VPS13D: variants seen among roughly 807,000 people sequenced by gnomAD.
The protein encoded by VPS13D is vacuolar protein sorting 13 homolog D, also known as intermembrane lipid transfer protein VPS13D.
A neutral mutation model predicts 461.9 loss-of-function variants in VPS13D; 187 were observed. The ratio of observed to expected loss-of-function variants is 0.40; its 90% CI spans 0.36 to 0.46. VPS13D has a LOEUF of 0.46. VPS13D is among the 20% of genes least tolerant of loss of function. The probability of loss-of-function intolerance (pLI) is 0.60; values close to 1 mark genes in which losing one functional copy is unlikely to be tolerated. For missense variants in VPS13D, 4,711 were observed against 5,364.9 expected (o/e 0.88, Z 3.81); for synonymous variants, 1,951 against 1,986.3 (o/e 0.98, Z 0.47).
chr1:12,232,917 A>G (rs1033166214), intron 1 of VPS13D, among the ~76,000 whole-genome samples: 5 of 152,012 alleles, frequency 3.3e-5, no homozygotes, highest in South Asian at 4.2e-4. Flanking sequence ...AATTTGAGAC[A>G]TTTAATTTGG....
rs116549230 is a variant in VPS13D at position 12,466,475 on chromosome 1, C to T, written c.12662+6079C>T. ...CTTTCAGAGTTCCTGTTCCTTAAAA[C>T]TGTAAATGGGTTTTATATTTTATTC... is the stretch of plus-strand genomic sequence containing the variant. On this transcript the variant is annotated intron_variant, in intron 67 of 69. Coordinates refer to ENST00000620676, the MANE Select transcript of VPS13D (RefSeq NM_015378.4). 4.3e-3 allele frequency among the ~76,000 whole-genome samples: 659 copies of T among 152,290 alleles called. 1 individual carries two copies. Among genetic ancestry groups the T allele is most frequent in the African/African-American group, 0.015 (636 of 41,548 alleles).
At chr1:12,243,369 A>T (rs1640443158) in intron 3 of VPS13D, among the ~76,000 whole-genome samples, 1 of 152,078 alleles carries the variant, frequency 6.6e-6, no homozygotes, top group Admixed American at 6.5e-5. Context: ...GGCTAAAGAG[A>T]TCCTCCTGCC....
At chr1:12,310,402 G>A (rs1303947436) in intron 27 of VPS13D, among the ~76,000 whole-genome samples, 1 of 152,170 alleles carries the variant, frequency 6.6e-6, no homozygotes, top group African/African-American at 2.4e-5. Flanking sequence ...TATACTTAGA[G>A]CATAGTGTCT....
intron 20 of VPS13D, among the ~76,000 whole-genome samples, chr1:12,282,183 T>C (rs1641806497): frequency 6.6e-6 from 1 of 152,204 alleles, no homozygotes. Context: ...CCACTGTGCC[T>C]GGCTGAAAAT....
chr1:12,499,383 A>T (rs376919632), intron 68 of VPS13D: 3 of 873,770 alleles, frequency 3.4e-6, no homozygotes, highest in Non-Finnish European at 2.7e-6. Context: ...GCTAAATGAG[A>T]TTATAAATTA....
chr1:12,509,250 G>T lies in VPS13D; in HGVS notation c.*226G>T. 3.8e-6 allele frequency: 2 copies of T among 532,018 alleles called. No homozygotes were observed. The highest frequency in any genetic ancestry group is 6.4e-6 in the Non-Finnish European group (2 of 314,642). The allele number at this position is 532,018 out of a possible 1,614,324, so 33.0% of individuals were successfully genotyped here. ...ATGGGAAATAATTTTTAAAGGTATT[G>T]GTTAAATAACGTTTAAAAACATGTA... is the stretch of plus-strand genomic sequence containing the variant. On this transcript the variant is annotated 3_prime_UTR_variant, in exon 70 of 70. Transcript: ENST00000620676.
In VPS13D at chr1:12,339,452, G is replaced by T. The variant is rs979125778; in HGVS notation, c.8626+1147G>T. ...CAAAATTACTGTGTGAAACAAGTCC[G>T]AAGGGGTAGAAATTTCCTTAGCTGG... On this transcript the variant is annotated intron_variant, in intron 40 of 69. Transcript: ENST00000620676. Among the ~76,000 whole-genome samples, 8 of 152,196 alleles carry T rather than the reference G, an allele frequency of 5.3e-5. No individual in the cohort carries two copies. The East Asian group carries it at 1.5e-3, about 29-fold the overall frequency.
At chr1:12,395,847 T>G (rs944242167) in intron 60 of VPS13D, among the ~76,000 whole-genome samples, 10 of 151,230 alleles carry the variant, frequency 6.6e-5, no homozygotes, top group African/African-American at 1.5e-4. Flanking sequence ...AGCAATTTTT[T>G]GGGGGGCTAA....
At chr1:12,295,237 A>C (rs982534787) in intron 24 of VPS13D, among the ~76,000 whole-genome samples, 2 of 137,768 alleles carry the variant, frequency 1.5e-5, no homozygotes, top group African/African-American at 5.3e-5. Context: ...AAAAAAAAAA[A>C]AAACAAAACT....
intron 65 of VPS13D, among the ~76,000 whole-genome samples, chr1:12,453,318 C>T (rs939706165): frequency 4.6e-5 from 7 of 151,850 alleles, no homozygotes; most frequent in African/African-American, 1.7e-4. Flanking sequence ...TAGTTAGCTG[C>T]CAGCGATAGG....
In VPS13D at chr1:12,299,483, A is replaced by T; in HGVS notation, c.6216+99A>T. On this transcript the variant is annotated intron_variant, in intron 25 of 69. Transcript: ENST00000620676. This position sits in a 1 kb window ranked among gnomAD's most constrained non-coding sequence, Gnocchi z 4.2. ...TGTAAGATGATCCATAATTGCTATT[A>T]CTTTTGTAGGGTATGTGGCTTGAAG... 2 of 1,380,848 alleles carry T rather than the reference A, an allele frequency of 1.4e-6. No individual in the cohort carries two copies. The highest frequency in any genetic ancestry group is 1.5e-5 in the South Asian group (1 of 64,554). 85.5% of individuals were successfully genotyped at this position (1,380,848 alleles called of 1,614,324 possible). A position where few individuals can be genotyped will look rare whatever the true frequency, so the allele number is the denominator to read the frequency against.
intron 30 of VPS13D, 39 bp downstream of exon 30, chr1:12,314,366 G>A: frequency 3.1e-6 from 5 of 1,588,258 alleles, no homozygotes; most frequent in Non-Finnish European, 4.3e-6. Flanking sequence ...TCTTTGTGGA[G>A]ACATTCCCTT....
intron 60 of VPS13D, among the ~76,000 whole-genome samples, chr1:12,395,556 T>C (rs575733398): frequency 6.6e-6 from 1 of 152,294 alleles, no homozygotes; most frequent in East Asian, 1.9e-4. Flanking sequence ...CTTAGCAGAT[T>C]TGAGGCTCAG....
chr1:12,285,146 T>A (rs1481713346), intron 21 of VPS13D, among the ~76,000 whole-genome samples: 2 of 152,174 alleles, frequency 1.3e-5, no homozygotes, highest in Non-Finnish European at 2.9e-5. Context: ...AACATTTTTA[T>A]TGTGAAAAAA....
intron 65 of VPS13D, among the ~76,000 whole-genome samples, chr1:12,418,341 C>A (rs1644821766): frequency 1.3e-5 from 2 of 152,202 alleles, no homozygotes; most frequent in African/African-American, 4.8e-5. Flanking sequence ...ACCCCTCACG[C>A]ATCATAAAAC....
chr1:12,386,053 C>T (rs1163567413), intron 59 of VPS13D, 132 bp from the exon 60 acceptor site: 4 of 1,030,110 alleles, frequency 3.9e-6, no homozygotes, highest in Non-Finnish European at 4.2e-6. Flanking sequence ...TAATAGGACT[C>T]CCCTAAGTGG....
intron 6 of VPS13D, among the ~76,000 whole-genome samples, chr1:12,252,835 A>G (rs969854012): frequency 6.6e-6 from 1 of 151,192 alleles, no homozygotes; most frequent in Non-Finnish European, 1.5e-5. Flanking sequence ...AACAATAAAA[A>G]GAAAAATATA....
At chr1:12,489,126 C>T (rs1299715826) in intron 67 of VPS13D, among the ~76,000 whole-genome samples, 3 of 152,202 alleles carry the variant, frequency 2.0e-5, no homozygotes, top group African/African-American at 4.8e-5. Context: ...AACTCTGCCC[C>T]TCCCCACCCA....
intron 67 of VPS13D, among the ~76,000 whole-genome samples, chr1:12,468,289 T>C (rs1645516890): frequency 6.6e-6 from 1 of 152,260 alleles, no homozygotes; most frequent in Admixed American, 6.5e-5. Context: ...CCATTTGTTA[T>C]TTGTGGAACT....
Sources: gnomAD v4.1 joint callset for allele counts (sites outside exome capture counted in the v4.1 genomes callset) on GRCh38, gnomAD v4.1.1 for gene constraint, Gnocchi (gnomAD v3.1) non-coding constraint, MANE v1.5 for transcripts, NCBI Gene and HGNC (gene_info 2026-07-23, HGNC 2026-07-21) for gene names.